SIRT3: variants seen among roughly 807,000 people sequenced by gnomAD.
The protein encoded by SIRT3 is NAD-dependent protein deacetylase sirtuin-3, mitochondrial.
In SIRT3, 26 loss-of-function variants were observed where a neutral mutation model predicts 33.5. The observed-to-expected ratio is 0.78, with a 90% CI of 0.57 to 1.08. The LOEUF (loss-of-function observed/expected upper bound fraction) is 1.08, where lower values mean the gene tolerates loss of function less well. SIRT3 is among the 50% of genes least tolerant of loss of function. The probability of loss-of-function intolerance (pLI) is 0.00; values close to 1 mark genes in which losing one functional copy is unlikely to be tolerated. For synonymous variants in SIRT3, 237 were observed against 222.1 expected, an observed-to-expected ratio of 1.07 and a Z score of -0.60; for missense variants, 585 against 530.1, an observed-to-expected ratio of 1.10 and a Z score of -1.02.
chr11:223,328 C>T lies in SIRT3; in HGVS notation c.969+750G>A, dbSNP rs538033229. The T allele has an allele frequency of 5.1e-6, 1 of 194,622 alleles. No homozygotes were observed. The highest frequency in any genetic ancestry group is 9.4e-5 in the South Asian group (1 of 10,588). The allele number at this position is 194,622 out of a possible 1,614,324, so 12.1% of individuals were successfully genotyped here. A position where few individuals can be genotyped will look rare whatever the true frequency, so the allele number is the denominator to read the frequency against. ...AAATCACGCCTCACCAGCAAGTGCC[C>T]TGACCTTACAGACCAAGCCAGACGC... On this transcript the variant is annotated intron_variant, in intron 5 of 6. Transcript: ENST00000382743. The surrounding 1 kb of genome is among the most constrained non-coding windows in gnomAD (Gnocchi z 4.8).
intron 3 of SIRT3, among the ~76,000 whole-genome samples, chr11:231,147 C>G (rs969523304): frequency 4.0e-5 from 6 of 150,630 alleles, no homozygotes; most frequent in African/African-American, 7.3e-5. Context: ...AAAAATTACA[C>G]CTAATACCAG....
Position 224,223 on chromosome 11 carries a change from T to C in SIRT3, c.824A>G (p.Asp275Gly). The C allele has an allele frequency of 1.2e-6, 2 of 1,614,092 alleles. No individual in the cohort carries two copies. The highest frequency in any genetic ancestry group is 1.7e-6 in the Non-Finnish European group (2 of 1,180,032). ...GEDIRADVMADRVPRCPVCTG... is the reference protein window; with the variant it reads ...GEDIRADVMAGRVPRCPVCTG... ...GCAGACCGGGCAGCGGGGAACCCTGTCTGCCATCACGTCAGCCTGGAAAAC... is the reference window on the plus strand; with the variant it reads ...GCAGACCGGGCAGCGGGGAACCCTGCCTGCCATCACGTCAGCCTGGAAAAC... The change falls in exon 5 of 7, where the codon GAC (aspartate) becomes GGC (glycine). Residue 275 changes from aspartate to glycine, a missense_variant. Coordinates refer to ENST00000382743, the MANE Select transcript of SIRT3 (RefSeq NM_012239.6).
chr11:222,250 C>G (rs1856538239), intron 5 of SIRT3: 1 of 154,016 alleles, frequency 6.5e-6, no homozygotes, highest in Admixed American at 6.5e-5. Context: ...CTCCAGCACC[C>G]CAGCTCCTGC....
At chr11:225,489 G>A (rs1857054693) in intron 4 of SIRT3, among the ~76,000 whole-genome samples, 1 of 152,100 alleles carries the variant, frequency 6.6e-6, no homozygotes, top group Non-Finnish European at 1.5e-5. Flanking sequence ...ATGTAATAAT[G>A]TAGCAGACTT....
intron 3 of SIRT3, among the ~76,000 whole-genome samples, chr11:232,275 G>T (rs573676): frequency 0.025 from 3,816 of 151,780 alleles, 163 homozygotes; most frequent in African/African-American, 0.086. Flanking sequence ...ACACCACCAC[G>T]CCTGGCTAAT....
intron 3 of SIRT3, among the ~76,000 whole-genome samples, chr11:231,193 C>A (rs1480123701): frequency 6.6e-6 from 1 of 151,862 alleles, no homozygotes; most frequent in East Asian, 1.9e-4. Context: ...AATCCCAGTG[C>A]TTTGGAAGGC....
chr11:235,947 A>C (rs1858991411), intron 1 of SIRT3, 101 bp downstream of exon 1: 2 of 1,322,026 alleles, frequency 1.5e-6, no homozygotes, highest in Non-Finnish European at 2.0e-6. Flanking sequence ...AACGCACGTA[A>C]ACTCCCAGAC....
chr11:226,296 G>C (rs537898602), intron 4 of SIRT3, among the ~76,000 whole-genome samples: 1 of 152,146 alleles, frequency 6.6e-6, no homozygotes, highest in African/African-American at 2.4e-5. Context: ...AGTGAGGCGC[G>C]TCTGACCTCC....
chr11:226,141 AACC>A (rs1256149464), intron 4 of SIRT3: 3 of 152,254 alleles, frequency 2.0e-5, no homozygotes, highest in Non-Finnish European at 4.4e-5. Flanking sequence ...AGGGTGAAGG[AACC>A]ATTAATCTCA....
At chr11:231,753 C>T (rs1161621082) in intron 3 of SIRT3, among the ~76,000 whole-genome samples, 2 of 152,196 alleles carry the variant, frequency 1.3e-5, no homozygotes, top group African/African-American at 4.8e-5. Context: ...CAACATGGGG[C>T]ATCCGCTGCT....
At position 218,911 on chromosome 11, in the gene SIRT3, A is replaced by G. The variant is rs769845879; in HGVS notation, c.1100T>C (p.Val367Ala). Residue 367 changes from valine to alanine, a missense_variant, in exon 6 of 7, where the codon GTT (valine) becomes GCT (alanine). Transcript: ENST00000382743. Reference sequence around the variant, plus strand: ...CTCCACTAGGCTTTCCACGCCGTGAACCACGTCCCCCAGCTGGGCCACGTC... The same window carrying G: ...CTCCACTAGGCTTTCCACGCCGTGAGCCACGTCCCCCAGCTGGGCCACGTC... ...SRDVAQLGDV[V>A]HGVESLVELL... 10 of 1,614,086 alleles carry G rather than the reference A, an allele frequency of 6.2e-6. 1 individual carries two copies. The highest frequency in any genetic ancestry group is 1.7e-5 in the Admixed American group (1 of 60,018).
chr11:227,235 C>T (rs544331773), intron 4 of SIRT3, among the ~76,000 whole-genome samples: 30 of 148,246 alleles, frequency 2.0e-4, no homozygotes, highest in Non-Finnish European at 9.1e-5. Context: ...GTCAGGAGTT[C>T]GACACCAGCC....
rs138703964 is a variant in SIRT3, at chr11:218,827, T to C, written c.1179+5A>G. ...CCTTGGATGGTCCTCCTCAGCAGTC[T>C]GTACCTTCCCAGTTTCCCGCTGCAC... On this transcript the variant is annotated splice_donor_5th_base_variant and intron_variant, in intron 6 of 6. Coordinates refer to ENST00000382743, the MANE Select transcript of SIRT3 (RefSeq NM_012239.6). The C allele has an allele frequency of 3.0e-4, 482 of 1,614,188 alleles. 2 individuals carry two copies. In the East Asian group the frequency reaches 9.5e-3, roughly 32 times the overall value.
chr11:233,172 G>T lies in SIRT3; in HGVS notation c.517C>A (p.Leu173Ile), dbSNP rs1263819659. 9 of 1,614,184 alleles carry T rather than the reference G, an allele frequency of 5.6e-6. 1 individual carries two copies. The Middle Eastern group carries it at 4.9e-4, about 89-fold the overall frequency. Residue 173 changes from leucine to isoleucine, a missense_variant, in exon 3 of 7, where the codon CTC (leucine) becomes ATC (isoleucine). Coordinates refer to ENST00000382743, the MANE Select transcript of SIRT3 (RefSeq NM_012239.6). ...TCAAAAATGGCCTCGGGGTACGGGA[G>T]ATCGTACTGCTGGAGGTTGCTGTAC... is the stretch of plus-strand genomic sequence containing the variant. ...GLYSNLQQYD[L>I]PYPEAIFELP... is the part of the protein sequence containing the mutation.
At chr11:236,776 C>T (rs552000163), upstream of SIRT3, 89 of 526,868 alleles carry the variant, frequency 1.7e-4, no homozygotes, top group South Asian at 1.8e-3. Context: ...AAAGCTAGTC[C>T]GTAGCGGGTT....
chr11:216,592 A>T lies in SIRT3; in HGVS notation c.*106T>A. 7.8e-7 allele frequency: 1 copy of T among 1,287,110 alleles called. No homozygotes were observed. The highest frequency in any genetic ancestry group is 1.7e-5 in the Admixed American group (1 of 58,764). The allele number at this position is 1,287,110 out of a possible 1,614,324, so 79.7% of individuals were successfully genotyped here. A position where few individuals can be genotyped will look rare whatever the true frequency, so the allele number is the denominator to read the frequency against. On this transcript the variant is annotated 3_prime_UTR_variant, in exon 7 of 7. Transcript: ENST00000382743. ...CCTCGGGTGTCCACTCAGTTCACAT[A>T]TTCTGGTTTCACCTGCCCAAGCTGT...
At chr11:231,604 G>T (rs1453060799) in intron 3 of SIRT3, among the ~76,000 whole-genome samples, 1 of 152,164 alleles carries the variant, frequency 6.6e-6, no homozygotes, top group Admixed American at 6.5e-5. Context: ...AGGCTGCGGT[G>T]GCACAGCCAG....
At chr11:234,402 ATT>A (rs66463110) in intron 1 of SIRT3, among the ~76,000 whole-genome samples, 185 of 45,704 alleles carry the variant, frequency 4.0e-3, no homozygotes, top group East Asian at 0.02. Flanking sequence ...GGTAGCAAGG[ATT>A]TTTGTTTTGT....
rs997693798 is a variant in SIRT3 at position 229,673 on chromosome 11, C to T, written c.807+779G>A. Among the ~76,000 whole-genome samples, 81 of 151,970 alleles carry T rather than the reference C, an allele frequency of 5.3e-4. 2 individuals carry two copies. Among genetic ancestry groups the T allele is most frequent in the South Asian group, 4.6e-3 (22 of 4,792 alleles). On this transcript the variant is annotated intron_variant, in intron 4 of 6. Coordinates refer to ENST00000382743, the MANE Select transcript of SIRT3 (RefSeq NM_012239.6). ...TCTCAGGAGGCTGAGGCAGGAGAAT[C>T]GCTTGAACCCGGGAGGCAGAGGTTG...
Sources: allele counts gnomAD v4.1 joint callset (sites outside exome capture counted in the v4.1 genomes callset), GRCh38; gene constraint gnomAD v4.1.1; non-coding constraint Gnocchi (gnomAD v3.1); transcripts MANE v1.5; gene names NCBI Gene and HGNC (gene_info 2026-07-23, HGNC 2026-07-21).